MARF1: variants seen among roughly 807,000 people sequenced by gnomAD.
The protein encoded by MARF1 is limkain-b1.
In MARF1, 24 loss-of-function variants were observed where a neutral mutation model predicts 168.2. That is an observed-to-expected ratio of 0.14 (90% CI 0.10 to 0.20). The LOEUF (loss-of-function observed/expected upper bound fraction) is 0.20, where lower values mean the gene tolerates loss of function less well. Ranked by LOEUF, MARF1 falls within the 10% of genes least tolerant of loss-of-function variation. The pLI is 1.00. For synonymous variants in MARF1, 868 were observed against 822.4 expected (o/e 1.06, Z -0.95); for missense variants, 1,744 against 2,143.6 (o/e 0.81, Z 3.68).
At chr16:15,611,514 G>C (rs1271503667) in intron 18 of MARF1, 78 bp downstream of exon 18, 2 of 1,123,966 alleles carry the variant, frequency 1.8e-6, no homozygotes, top group African/African-American at 1.6e-5. Context: ...AGAAATACTA[G>C]ATAACTATTT....
rs762780599 is a variant in MARF1 at position 15,636,070 on chromosome 16, T to G, written c.417A>C (p.Gln139His). The change falls in exon 3 of 27, where the codon CAA becomes CAC. Residue 139 changes from glutamine (Q) to histidine (H), a missense_variant. Coordinates refer to ENST00000396368, the MANE Select transcript of MARF1 (RefSeq NM_014647.4). Reference protein sequence around the residue: ...LIHPGALLDSQSTRTITCQVG... With the variant: ...LIHPGALLDSHSTRTITCQVG... Reference sequence around the variant, plus strand: ...CCTGACACGTGATTGTCCTGGTGCTTTGCGAGTCTAACAGTGCGCCCGGGT... The same window carrying G: ...CCTGACACGTGATTGTCCTGGTGCTGTGCGAGTCTAACAGTGCGCCCGGGT... 4.3e-6 allele frequency: 7 copies of G among 1,614,100 alleles called. No homozygotes were observed. The East Asian group carries it at 1.6e-4, about 36-fold the overall frequency.
rs146130652 is a variant in MARF1, at chr16:15,621,949, C to A, written c.2461-38G>T. ...AAGCGAAAACTAAACGCTATGTCCG[C>A]CCAGAACCCTGTCGTCTTAAAACTG... On this transcript the variant is annotated intron_variant, in intron 11 of 26. Coordinates refer to ENST00000396368, the MANE Select transcript of MARF1 (RefSeq NM_014647.4). 64 of 1,590,694 alleles carry A rather than the reference C, an allele frequency of 4.0e-5. No homozygotes were observed. In the East Asian group the frequency reaches 1.4e-3, roughly 35 times the overall value.
intron 15 of MARF1, chr16:15,616,816 A>C: frequency 2.1e-6 from 1 of 485,794 alleles, no homozygotes; most frequent in East Asian, 3.3e-5. Flanking sequence ...TAATCATCGA[A>C]AGGTCTAGTG....
Position 15,602,168 on chromosome 16 carries a change from C to T in MARF1, c.4449G>A (p.Lys1483=), listed in dbSNP as rs778417476. ...FTNDKMEECV[K]LTSLYLFAKN... Reference sequence around the variant, plus strand: ...TTGCAAACAAATACAGACTTGTGAGCTTCACACATTCTTCCATCTTATCAT... The same window carrying T: ...TTGCAAACAAATACAGACTTGTGAGTTTCACACATTCTTCCATCTTATCAT... The change falls in exon 23 of 27, where the codon AAG becomes AAA. Residue 1483 remains lysine (K), a synonymous_variant. Transcript: ENST00000396368. 2 of 1,614,164 alleles carry T rather than the reference C, an allele frequency of 1.2e-6. No individual in the cohort carries two copies. Among genetic ancestry groups the T allele is most frequent in the Admixed American group, 3.3e-5 (2 of 60,028 alleles).
At chr16:15,624,982 A>G (rs1489563251) in intron 9 of MARF1, 34 bp downstream of exon 9, 1 of 1,613,538 alleles carries the variant, frequency 6.2e-7, no homozygotes, top group Admixed American at 1.7e-5. Context: ...TTCACATTCA[A>G]GAAGCAGCTA....
intron 7 of MARF1, among the ~76,000 whole-genome samples, chr16:15,626,067 G>C (rs915042479): frequency 3.9e-5 from 6 of 152,174 alleles, no homozygotes; most frequent in Non-Finnish European, 7.3e-5. Flanking sequence ...GGAAGATTGA[G>C]GCTGGAGTGA....
At chr16:15,640,815 T>C (rs961683457) in intron 1 of MARF1, among the ~76,000 whole-genome samples, 3 of 152,236 alleles carry the variant, frequency 2.0e-5, no homozygotes, top group African/African-American at 7.2e-5. Flanking sequence ...TGCATTCCAA[T>C]TGCAGAGTTG....
intron 7 of MARF1, among the ~76,000 whole-genome samples, chr16:15,629,784 T>C (rs1049519341): frequency 6.6e-6 from 1 of 152,172 alleles, no homozygotes; most frequent in Non-Finnish European, 1.5e-5. Context: ...CCTCCCAGTA[T>C]ATGGCATAAA....
chr16:15,627,107 T>C (rs2034917340), intron 7 of MARF1, among the ~76,000 whole-genome samples: 1 of 151,522 alleles, frequency 6.6e-6, no homozygotes, highest in Non-Finnish European at 1.5e-5. Context: ...ATCCCAGCAC[T>C]TTGGGAGGCC....
At chr16:15,628,066 A>C (rs1196941625) in intron 7 of MARF1, among the ~76,000 whole-genome samples, 2 of 152,224 alleles carry the variant, frequency 1.3e-5, no homozygotes, top group East Asian at 1.9e-4. Context: ...CTGGGTATAA[A>C]CAAAATGTCC....
In MARF1 at chr16:15,616,081, A is replaced by C. The variant is rs968544223; in HGVS notation, c.3078-76T>G. Reference sequence around the variant, plus strand: ...GAAAAGGAGGCGCTTGCTAAACAGAAGGCTTTGGTTTAATGTATGTGTTAA... The same window carrying C: ...GAAAAGGAGGCGCTTGCTAAACAGACGGCTTTGGTTTAATGTATGTGTTAA... On this transcript the variant is annotated intron_variant, in intron 15 of 26. Coordinates refer to ENST00000396368, the MANE Select transcript of MARF1 (RefSeq NM_014647.4). 7 of 1,248,636 alleles carry C rather than the reference A, an allele frequency of 5.6e-6. No homozygotes were observed. The Admixed American group carries it at 1.4e-4, about 25-fold the overall frequency. 77.3% of individuals were successfully genotyped at this position (1,248,636 alleles called of 1,614,324 possible).
intron 2 of MARF1, among the ~76,000 whole-genome samples, chr16:15,636,606 T>C (rs2035615385): frequency 6.6e-6 from 1 of 152,184 alleles, no homozygotes; most frequent in Non-Finnish European, 1.5e-5. Context: ...AGGGCCTGTT[T>C]ACATCTTTAG....
intron 16 of MARF1, among the ~76,000 whole-genome samples, chr16:15,614,481 CAAAAA>C (rs59862823): frequency 2.1e-5 from 1 of 47,694 alleles, no homozygotes; most frequent in Non-Finnish European, 3.9e-5. Context: ...GACTCCGTCT[CAAAAA>C]AAAAAAAAAA....
At position 15,636,164 on chromosome 16, in the gene MARF1, T is replaced by C; in HGVS notation, c.323A>G (p.Glu108Gly). 6.2e-7 allele frequency: 1 copy of C among 1,614,216 alleles called. No individual in the cohort carries two copies. Among genetic ancestry groups the C allele is most frequent in the African/African-American group, 1.3e-5 (1 of 75,068 alleles). ...KVSCCAHCPN[E>G]PSTSPMRFGG... ...AAAACGCATTGGCGAAGTGGAGGGT[T>C]CATTAGGGCAATGAGCACAGCAGCT... Residue 108 changes from glutamate to glycine, a missense_variant, in exon 3 of 27, where the codon GAA becomes GGA. Glu to Gly is a moderately conservative substitution (Grantham distance 98). This residue lies in a region of MARF1 where 318 missense variants were observed against 336.6 expected (regional missense o/e 0.94). Transcript: ENST00000396368.
intron 2 of MARF1, 127 bp from the exon 3 acceptor site, chr16:15,636,469 A>G (rs2035606154): frequency 1.5e-6 from 1 of 679,900 alleles, no homozygotes; most frequent in Non-Finnish European, 2.4e-6. Flanking sequence ...TCATAACTGA[A>G]CAAAATGGAA....
At chr16:15,623,197 G>A (rs1306147136) in intron 10 of MARF1, 74 bp from the exon 11 acceptor site, 5 of 1,077,340 alleles carry the variant, frequency 4.6e-6, no homozygotes, top group East Asian at 3.7e-5. Flanking sequence ...TTTAGGCTTT[G>A]TTTGAAACTA....
chr16:15,631,302 C>A, intron 6 of MARF1, 79 bp downstream of exon 6: 1 of 970,224 alleles, frequency 1.0e-6, no homozygotes, highest in Non-Finnish European at 1.6e-6. Flanking sequence ...ATACATTTTA[C>A]TTTCACATGT....
At position 15,598,810 on chromosome 16, in the gene MARF1, T is replaced by C. The variant is rs374459645; in HGVS notation, c.4984+44A>G. 5.0e-6 allele frequency: 8 copies of C among 1,594,120 alleles called. No individual in the cohort carries two copies. The African/African-American group carries it at 9.4e-5, about 19-fold the overall frequency. On this transcript the variant is annotated intron_variant, in intron 26 of 26. Transcript: ENST00000396368. Reference sequence around the variant, plus strand: ...ATCAGTATCTCATCGTGGTTTTGTTTTAAACCCCGAAGAAAATCCCCATGA... The same window carrying C: ...ATCAGTATCTCATCGTGGTTTTGTTCTAAACCCCGAAGAAAATCCCCATGA...
chr16:15,616,058 A>G, intron 15 of MARF1, 53 bp from the exon 16 acceptor site: 2 of 1,372,438 alleles, frequency 1.5e-6, no homozygotes, highest in Non-Finnish European at 1.9e-6. Context: ...AAATAACAGA[A>G]AAGGAGGCGC....
Sources: allele counts gnomAD v4.1 joint callset (sites outside exome capture counted in the v4.1 genomes callset), GRCh38; gene constraint gnomAD v4.1.1; regional missense constraint gnomAD v4.1.1; transcripts MANE v1.5; gene names NCBI Gene and HGNC (gene_info 2026-07-23, HGNC 2026-07-21).